Variants in MFRP observed in about 807,000 individuals in gnomAD.
MFRP encodes C1q and TNF related 5.
MFRP carries 74 observed loss-of-function variants against 65.8 expected under a neutral mutation model. The observed-to-expected ratio is 1.12, with a 90% CI of 0.93 to 1.36. MFRP has a LOEUF of 1.36. Among genes scored for constraint, MFRP ranks in the 40% most tolerant of loss-of-function variants. The probability of loss-of-function intolerance (pLI) is 0.00; values close to 1 mark genes in which losing one functional copy is unlikely to be tolerated. For missense variants in MFRP, 838 were observed against 736.0 expected, an observed-to-expected ratio of 1.14 and a Z score of -1.60; for synonymous variants, 336 against 288.3, an observed-to-expected ratio of 1.17 and a Z score of -1.68.
rs2135371370 is a variant in MFRP, at chr11:119,344,303, C to T, written c.975+12G>A. ...TGTGCCCCTCCCGTTCTGCATGGAGCACTGTGCTTACCAGTTGGTGAGGGT... is the reference window on the plus strand; with the variant it reads ...TGTGCCCCTCCCGTTCTGCATGGAGTACTGTGCTTACCAGTTGGTGAGGGT... On this transcript the variant is annotated intron_variant, in intron 8 of 14. Coordinates refer to ENST00000619721, the MANE Select transcript of MFRP (RefSeq NM_031433.4). 6.2e-7 allele frequency: 1 copy of T among 1,613,288 alleles called. No homozygotes were observed. The highest frequency in any genetic ancestry group is 2.2e-5 in the East Asian group (1 of 44,852).
rs779390261 is a variant in MFRP, at chr11:119,339,709, C to G, written c.*1250G>C. The stretch of plus-strand genomic sequence containing the variant: ...GGTCGAAGGGCAAGGGTGCGTCAGA[C>G]GGCGGAGGCACCCGGCTCTCGGAGC... On this transcript the variant is annotated 3_prime_UTR_variant, in exon 15 of 15. Coordinates refer to ENST00000619721, the MANE Select transcript of MFRP (RefSeq NM_031433.4). The surrounding 1 kb of genome is among the most constrained non-coding windows in gnomAD (Gnocchi z 5.4). The G allele has an allele frequency of 1.0e-5, 16 of 1,604,260 alleles. No individual in the cohort carries two copies. Among genetic ancestry groups the G allele is most frequent in the Non-Finnish European group, 2.5e-6 (3 of 1,178,758 alleles).
intron 7 of MFRP, 62 bp downstream of exon 7, chr11:119,344,570 G>A: frequency 6.2e-7 from 1 of 1,612,746 alleles, no homozygotes; most frequent in Non-Finnish European, 8.5e-7. Context: ...ACCAGAGCTG[G>A]GGAGCCCAGC....
At position 119,339,365 on chromosome 11, in the gene MFRP, T is replaced by C; in HGVS notation, c.*1594A>G. On this transcript the variant is annotated 3_prime_UTR_variant, in exon 15 of 15. Transcript: ENST00000619721. This position sits in a 1 kb window ranked among gnomAD's most constrained non-coding sequence, Gnocchi z 5.4. Reference sequence around the variant, plus strand: ...GACTGGGGAGCTGTGCCAGTCGGAGTACACCAGAAATCCGGAGAAGGTGCT... The same window carrying C: ...GACTGGGGAGCTGTGCCAGTCGGAGCACACCAGAAATCCGGAGAAGGTGCT... The C allele has an allele frequency of 6.2e-7, 1 of 1,611,884 alleles. No individual in the cohort carries two copies. Among genetic ancestry groups the C allele is most frequent in the Non-Finnish European group, 8.5e-7 (1 of 1,178,942 alleles).
At chr11:119,344,427 G>C (rs767106540) in intron 7 of MFRP, 36 bp from the exon 8 acceptor site, 1 of 1,598,488 alleles carries the variant, frequency 6.3e-7, no homozygotes, top group Non-Finnish European at 8.6e-7. Context: ...AGTTTGCTAG[G>C]ATCTGTGCCT....
Position 119,341,350 on chromosome 11 carries a change from C to G in MFRP, c.*198G>C, listed in dbSNP as rs886047825. ...GTGGGGCCAGTCAGCAGCCTGGGAC[C>G]GGTAAAGGGACAGGAAGGAGCAGGG... On this transcript the variant is annotated 3_prime_UTR_variant, in exon 13 of 15. Transcript: ENST00000619721. 7.2e-5 allele frequency: 43 copies of G among 598,842 alleles called. No homozygotes were observed. Among genetic ancestry groups the G allele is most frequent in the Non-Finnish European group, 1.2e-4 (42 of 337,476 alleles). The allele number at this position is 598,842 out of a possible 1,614,324, so 37.1% of individuals were successfully genotyped here.
Position 119,339,818 on chromosome 11 carries a change from G to T in MFRP, c.*1141C>A, listed in dbSNP as rs1324412710. 1.3e-6 allele frequency: 2 copies of T among 1,517,890 alleles called. No individual in the cohort carries two copies. The highest frequency in any genetic ancestry group is 2.1e-5 in the Admixed American group (1 of 48,462). 94.0% of individuals were successfully genotyped at this position (1,517,890 alleles called of 1,614,324 possible). On this transcript the variant is annotated 3_prime_UTR_variant, in exon 15 of 15. Transcript: ENST00000619721. This position sits in a 1 kb window ranked among gnomAD's most constrained non-coding sequence, Gnocchi z 5.4. Reference sequence around the variant, plus strand: ...CCCCGCGGGTCCCGCCTCTCCTCGCGGCCCGGGGTCCCCTCGAGGTCCCGG... The same window carrying T: ...CCCCGCGGGTCCCGCCTCTCCTCGCTGCCCGGGGTCCCCTCGAGGTCCCGG...
chr11:119,339,156 G>C lies in MFRP; in HGVS notation c.*1803C>G, dbSNP rs1950469389. ...GCCACTGCCCCATGCTGCCAGACCT[G>C]ATCGCAGACAGCCACTGTTCCCATT... is the stretch of plus-strand genomic sequence containing the variant. On this transcript the variant is annotated 3_prime_UTR_variant, in exon 15 of 15. Transcript: ENST00000619721. This position sits in a 1 kb window ranked among gnomAD's most constrained non-coding sequence, Gnocchi z 5.4. The C allele has an allele frequency of 5.6e-6, 4 of 709,268 alleles. No homozygotes were observed. Among genetic ancestry groups the C allele is most frequent in the Non-Finnish European group, 9.2e-6 (4 of 436,430 alleles). 43.9% of individuals were successfully genotyped at this position (709,268 alleles called of 1,614,324 possible). A position where few individuals can be genotyped will look rare whatever the true frequency, so the allele number is the denominator to read the frequency against.
chr11:119,340,258 G>T lies in MFRP; in HGVS notation c.*1036C>A, dbSNP rs769828324. 1 of 1,519,436 alleles carries T rather than the reference G, an allele frequency of 6.6e-7. No homozygotes were observed. Among genetic ancestry groups the T allele is most frequent in the South Asian group, 1.2e-5 (1 of 80,988 alleles). The allele number at this position is 1,519,436 out of a possible 1,614,324, so 94.1% of individuals were successfully genotyped here. A position where few individuals can be genotyped will look rare whatever the true frequency, so the allele number is the denominator to read the frequency against. ...GCGGCCGTCGCGGCCATCGCGGCCCGGCAAGCCCTGGCTGCCATGGTGGCC... is the reference window on the plus strand; with the variant it reads ...GCGGCCGTCGCGGCCATCGCGGCCCTGCAAGCCCTGGCTGCCATGGTGGCC... On this transcript the variant is annotated 3_prime_UTR_variant, in exon 14 of 15. Transcript: ENST00000619721.
intron 9 of MFRP, 49 bp from the exon 10 acceptor site, chr11:119,343,052 G>T: frequency 6.4e-7 from 1 of 1,559,562 alleles, no homozygotes; most frequent in Non-Finnish European, 8.7e-7. Context: ...GCTGACTGAG[G>T]GGGCACTGCA....
Position 119,344,719 on chromosome 11 carries a change from T to C in MFRP, c.811A>G (p.Ile271Val). 9 of 1,614,046 alleles carry C rather than the reference T, an allele frequency of 5.6e-6. No individual in the cohort carries two copies. The highest frequency in any genetic ancestry group is 1.3e-5 in the African/African-American group (1 of 75,068). The change falls in exon 7 of 15, where the codon ATC becomes GTC. Residue 271 changes from isoleucine to valine, a missense_variant. Physicochemically the swap from Ile to Val is conservative, Grantham distance 29. Transcript: ENST00000619721. ...AHDEFRCDQL[I>V]CLLPDSVCDG... ...CACACTGAGTCAGGTAGCAGGCAGATGAGCTGGTCACAGCGGAACTCATCA... is the reference window on the plus strand; with the variant it reads ...CACACTGAGTCAGGTAGCAGGCAGACGAGCTGGTCACAGCGGAACTCATCA...
rs1484618651 is a variant in MFRP, at chr11:119,345,471, C to T, written c.590G>A (p.Cys197Tyr). 3.1e-6 allele frequency: 5 copies of T among 1,614,066 alleles called. No individual in the cohort carries two copies. In the Admixed American group the frequency reaches 8.3e-5, roughly 27 times the overall value. The change falls in exon 5 of 15, where the codon TGC (cysteine) becomes TAC (tyrosine). Residue 197 changes from cysteine to tyrosine, a missense_variant. Cys to Tyr is a radical substitution (Grantham distance 194). Coordinates refer to ENST00000619721, the MANE Select transcript of MFRP (RefSeq NM_031433.4). Reference sequence around the variant, plus strand: ...GGAGAGTTCCAAGCGATCAAAAAGGCAAGAGGCCACACTCTCTATGCTGAG... The same window carrying T: ...GGAGAGTTCCAAGCGATCAAAAAGGTAAGAGGCCACACTCTCTATGCTGAG... The part of the protein sequence containing the change: ...EALSIESVAS[C>Y]LFDRLELSPE...
Position 119,346,691 on chromosome 11 carries a change from A to T in MFRP, c.-178T>A. ...GGTAGAGTGGTTTGGCCTATGGGCT[A>T]CTCTGTCTCTGTGTGGGGGAAGGGA... is the stretch of plus-strand genomic sequence containing the variant. On this transcript the variant is annotated 5_prime_UTR_variant, in exon 1 of 15. Coordinates refer to ENST00000619721, the MANE Select transcript of MFRP (RefSeq NM_031433.4). The T allele has an allele frequency of 5.9e-6, 4 of 675,696 alleles. No individual in the cohort carries two copies. The Admixed American group carries it at 8.6e-5, about 15-fold the overall frequency. 41.9% of individuals were successfully genotyped at this position (675,696 alleles called of 1,614,324 possible). A position where few individuals can be genotyped will look rare whatever the true frequency, so the allele number is the denominator to read the frequency against.
rs1254050551 is a variant in MFRP, at chr11:119,346,178, G to A, written c.158-19C>T. On this transcript the variant is annotated intron_variant, in intron 2 of 14. Coordinates refer to ENST00000619721, the MANE Select transcript of MFRP (RefSeq NM_031433.4). Reference sequence around the variant, plus strand: ...CGCCGACCTGCGGGTTGGCAGGTGGGGTTTTGAAAGCCCCTTCTGTTGGGT... The same window carrying A: ...CGCCGACCTGCGGGTTGGCAGGTGGAGTTTTGAAAGCCCCTTCTGTTGGGT... 2 of 1,574,800 alleles carry A rather than the reference G, an allele frequency of 1.3e-6. No homozygotes were observed. Among genetic ancestry groups the A allele is most frequent in the Non-Finnish European group, 1.7e-6 (2 of 1,159,436 alleles).
Position 119,344,773 on chromosome 11 carries a change from A to G in MFRP, c.773-16T>C, listed in dbSNP as rs369657196. 5.0e-6 allele frequency: 8 copies of G among 1,613,820 alleles called. No individual in the cohort carries two copies. The African/African-American group carries it at 6.7e-5, about 13-fold the overall frequency. ...GCACAGCTCCCTGGATGTGGGCACC[A>G]GGAGTCAGGGAGGCCCGGAGTCTCC... On this transcript the variant is annotated splice_polypyrimidine_tract_variant and intron_variant, in intron 6 of 14. Transcript: ENST00000619721.
chr11:119,345,271 C>T (rs1347693637), intron 5 of MFRP, 149 bp downstream of exon 5: 1 of 850,942 alleles, frequency 1.2e-6, no homozygotes, highest in Non-Finnish European at 1.9e-6. Flanking sequence ...TTCCTCACGG[C>T]ACACAGCAAG....
At chr11:119,340,160 A>G in intron 14 of MFRP, 24 bp downstream of exon 14, 2 of 1,507,144 alleles carry the variant, frequency 1.3e-6, no homozygotes, top group African/African-American at 1.5e-5. Context: ...ATCGCCACCG[A>G]TAGCCGCGGC....
At position 119,345,765 on chromosome 11, in the gene MFRP, G is replaced by T; in HGVS notation, c.427+8C>A. 6.2e-7 allele frequency: 1 copy of T among 1,613,524 alleles called. No homozygotes were observed. The highest frequency in any genetic ancestry group is 8.5e-7 in the Non-Finnish European group (1 of 1,180,006). On this transcript the variant is annotated splice_region_variant and intron_variant, in intron 4 of 14. Transcript: ENST00000619721. Reference sequence around the variant, plus strand: ...CCTTCTCCCGGAAGATCTGCCCCCAGTACTCACTGGACTGTGGGGAGGGGC... The same window carrying T: ...CCTTCTCCCGGAAGATCTGCCCCCATTACTCACTGGACTGTGGGGAGGGGC...
chr11:119,344,060 G>C (rs539903918), intron 8 of MFRP, 96 bp from the exon 9 acceptor site: 3 of 1,504,806 alleles, frequency 2.0e-6, no homozygotes, highest in African/African-American at 2.7e-5. Flanking sequence ...TGGCTGGGGG[G>C]ATGGGGTGGT....
chr11:119,342,858 C>T lies in MFRP; in HGVS notation c.1255+15G>A, dbSNP rs373984029. The T allele has an allele frequency of 5.6e-6, 9 of 1,612,998 alleles. No homozygotes were observed. The highest frequency in any genetic ancestry group is 7.6e-6 in the Non-Finnish European group (9 of 1,179,952). ...TGCCTCTACTGCCCCCACCCACTTG[C>T]CCAGGGGCACCTACTCTCCGTGGCA... On this transcript the variant is annotated intron_variant, in intron 10 of 14. Coordinates refer to ENST00000619721, the MANE Select transcript of MFRP (RefSeq NM_031433.4).
Sources: allele counts gnomAD v4.1 joint callset, GRCh38; gene constraint gnomAD v4.1.1; non-coding constraint Gnocchi (gnomAD v3.1); transcripts MANE v1.5; gene names NCBI Gene and HGNC (gene_info 2026-07-23, HGNC 2026-07-21).